FHIT: variants seen among roughly 807,000 people sequenced by gnomAD.
FHIT encodes the protein fragile histidine triad diadenosine triphosphatase, also known as bis(5'-adenosyl)-triphosphatase.
A neutral mutation model predicts 17.9 loss-of-function variants in FHIT; 19 were observed. The ratio of observed to expected loss-of-function variants is 1.06; its 90% CI spans 0.74 to 1.56. The LOEUF is 1.56. Among genes scored for constraint, FHIT ranks in the 40% most tolerant of loss-of-function variants. The pLI, the probability that FHIT is intolerant of heterozygous loss-of-function variation, is 0.00. For missense variants in FHIT, 248 were observed against 189.2 expected (o/e 1.31, Z -1.82); for synonymous variants, 81 against 69.7 (o/e 1.16, Z -0.81).
At chr3:60,376,976 C>A (rs1700589469) in intron 5 of FHIT, among the ~76,000 whole-genome samples, 1 of 152,146 alleles carries the variant, frequency 6.6e-6, no homozygotes, top group Non-Finnish European at 1.5e-5. Context: ...GTTCATCCAT[C>A]CATTTATCTC....
At chr3:60,730,600 G>A (rs2042007112) in intron 4 of FHIT, 1 of 154,438 alleles carries the variant, frequency 6.5e-6, no homozygotes, top group Admixed American at 6.5e-5. Context: ...ACCATGGTCA[G>A]GAGAGTGTTC....
chr3:60,277,537 C>A (rs981381408), intron 5 of FHIT, among the ~76,000 whole-genome samples: 1 of 152,122 alleles, frequency 6.6e-6, no homozygotes, highest in Admixed American at 6.5e-5. Context: ...GGCAACATGG[C>A]GCCAGCTGGG....
At chr3:60,454,009 T>A (rs767119942) in intron 5 of FHIT, among the ~76,000 whole-genome samples, 3 of 152,126 alleles carry the variant, frequency 2.0e-5, no homozygotes, top group Non-Finnish European at 2.9e-5. Context: ...AGATGCCATG[T>A]TCATTTAAAT....
At chr3:60,463,222 G>A (rs2032582274) in intron 5 of FHIT, among the ~76,000 whole-genome samples, 1 of 152,154 alleles carries the variant, frequency 6.6e-6, no homozygotes, top group African/African-American at 2.4e-5. Context: ...GTTATTTCAT[G>A]TAAATGTTGA....
At chr3:60,467,172 T>C (rs2032844126) in intron 5 of FHIT, among the ~76,000 whole-genome samples, 1 of 152,050 alleles carries the variant, frequency 6.6e-6, no homozygotes, top group Non-Finnish European at 1.5e-5. Context: ...CACAGTATCT[T>C]CTAATGATCT....
At chr3:61,243,979 C>T (rs2040430363) in intron 1 of FHIT, 2 of 152,116 alleles carry the variant, frequency 1.3e-5, no homozygotes, top group African/African-American at 2.4e-5. Context: ...TATTTCATTC[C>T]CCACTCAGAC....
chr3:60,355,071 A>C (rs1375779423), intron 5 of FHIT, among the ~76,000 whole-genome samples: 1 of 152,220 alleles, frequency 6.6e-6, no homozygotes. Flanking sequence ...TAAATAATTC[A>C]GTCAAACAAA....
intron 4 of FHIT, among the ~76,000 whole-genome samples, chr3:60,725,309 A>G (rs1270539792): frequency 6.6e-6 from 1 of 151,990 alleles, no homozygotes; most frequent in African/African-American, 2.4e-5. Context: ...CAATTTATCC[A>G]TTTTTTTCTT....
At chr3:59,889,334 G>A (rs1275572193) in intron 8 of FHIT, among the ~76,000 whole-genome samples, 1 of 152,176 alleles carries the variant, frequency 6.6e-6, no homozygotes, top group Non-Finnish European at 1.5e-5. Flanking sequence ...GATAATAGGG[G>A]CCACCTCTCC....
chr3:60,824,623 T>C (rs1702048978), intron 3 of FHIT, among the ~76,000 whole-genome samples: 1 of 152,206 alleles, frequency 6.6e-6, no homozygotes, highest in African/African-American at 2.4e-5. Flanking sequence ...CACCCAAGTC[T>C]CACCTTGAAT....
chr3:61,145,945 A>T (rs769089637), intron 2 of FHIT, among the ~76,000 whole-genome samples: 22 of 151,962 alleles, frequency 1.4e-4, no homozygotes, highest in Non-Finnish European at 2.8e-4. Flanking sequence ...AAACTTTTAA[A>T]TTATTTTGTC....
intron 5 of FHIT, among the ~76,000 whole-genome samples, chr3:60,380,946 T>A (rs1038376170): frequency 6.8e-6 from 1 of 146,942 alleles, no homozygotes; most frequent in Non-Finnish European, 1.5e-5. Context: ...GCGAACATCA[T>A]GGCAACCGCG....
chr3:59,905,298 C>T (rs1313532120), intron 8 of FHIT, among the ~76,000 whole-genome samples: 1 of 152,254 alleles, frequency 6.6e-6, no homozygotes, highest in African/African-American at 2.4e-5. Flanking sequence ...ATACAGAGGA[C>T]GAACTTCAAG....
At chr3:60,002,379 T>C (rs985570384) in intron 7 of FHIT, among the ~76,000 whole-genome samples, 1 of 152,134 alleles carries the variant, frequency 6.6e-6, no homozygotes, top group Non-Finnish European at 1.5e-5. Context: ...TCCGAAGATA[T>C]ATGTCTCAAC....
At chr3:60,200,312 C>T (rs1702839483) in intron 5 of FHIT, among the ~76,000 whole-genome samples, 1 of 152,092 alleles carries the variant, frequency 6.6e-6, no homozygotes, top group African/African-American at 2.4e-5. Context: ...TGATGTTTGA[C>T]AGCCATCTAA....
chr3:60,321,796 T>C (rs1175274058), intron 5 of FHIT, among the ~76,000 whole-genome samples: 3 of 152,194 alleles, frequency 2.0e-5, no homozygotes, highest in Non-Finnish European at 2.9e-5. Context: ...CTTCAGAGCC[T>C]GGTGAGGGCT....
chr3:61,109,868 T>C (rs2036103091), intron 2 of FHIT, among the ~76,000 whole-genome samples: 1 of 152,046 alleles, frequency 6.6e-6, no homozygotes, highest in South Asian at 2.1e-4. Flanking sequence ...ACCAAATCCT[T>C]TTAGGACAAC....
intron 5 of FHIT, among the ~76,000 whole-genome samples, chr3:60,322,112 G>C (rs530954166): frequency 4.0e-4 from 61 of 152,310 alleles, no homozygotes; most frequent in Middle Eastern, 6.8e-3. Flanking sequence ...TCCAGGTACA[G>C]CCCATAGAAA....
At chr3:60,538,879 G>A (rs2036082062) in intron 4 of FHIT, among the ~76,000 whole-genome samples, 1 of 151,982 alleles carries the variant, frequency 6.6e-6, no homozygotes, top group South Asian at 2.1e-4. Flanking sequence ...ACATAGGCAT[G>A]GGCAAGGACT....
Sources: gnomAD v4.1 joint callset for allele counts (sites outside exome capture counted in the v4.1 genomes callset) on GRCh38, gnomAD v4.1.1 for gene constraint, MANE v1.5 for transcripts, NCBI Gene and HGNC (gene_info 2026-07-23, HGNC 2026-07-21) for gene names.